IPCEF1: variants seen among roughly 807,000 people sequenced by gnomAD.
The protein encoded by IPCEF1 is interaction protein for cytohesin exchange factors 1.
In IPCEF1, 31 loss-of-function variants were observed where a neutral mutation model predicts 50.9. The ratio of observed to expected loss-of-function variants is 0.61; its 90% CI spans 0.46 to 0.82. IPCEF1 has a LOEUF of 0.82. Among genes scored for constraint, IPCEF1 ranks in the 40% least tolerant of loss-of-function variants. IPCEF1 has a pLI of 0.00. For synonymous variants in IPCEF1, 181 were observed against 192.0 expected (o/e 0.94, Z 0.47); for missense variants, 458 against 514.0 (o/e 0.89, Z 1.05).
At chr6:154,186,806 T>G (rs1346477910) in intron 10 of IPCEF1, among the ~76,000 whole-genome samples, 1 of 152,100 alleles carries the variant, frequency 6.6e-6, no homozygotes, top group Non-Finnish European at 1.5e-5. Context: ...TCCACCTGCC[T>G]CGGCCTCCCA....
At chr6:154,215,594 G>A (rs1231727588) in intron 7 of IPCEF1, among the ~76,000 whole-genome samples, 1 of 151,916 alleles carries the variant, frequency 6.6e-6, no homozygotes, top group Non-Finnish European at 1.5e-5. Flanking sequence ...CAACAAGAGC[G>A]AAACTCCATC....
At chr6:154,322,824 G>A (rs541950874) in intron 1 of IPCEF1, among the ~76,000 whole-genome samples, 30 of 151,576 alleles carry the variant, frequency 2.0e-4, no homozygotes, top group African/African-American at 7.0e-4. Context: ...AGGAGAGAAT[G>A]AGACTTTGTC....
intron 11 of IPCEF1, among the ~76,000 whole-genome samples, chr6:154,164,858 A>C (rs1799302700): frequency 6.6e-6 from 1 of 152,148 alleles, no homozygotes; most frequent in Non-Finnish European, 1.5e-5. Context: ...GAAATTCCTA[A>C]ATATCTGTAT....
intron 2 of IPCEF1, among the ~76,000 whole-genome samples, chr6:154,269,192 A>G (rs1781833853): frequency 1.3e-5 from 2 of 152,254 alleles, no homozygotes; most frequent in Admixed American, 1.3e-4. Context: ...ATGAGTTTCC[A>G]TAAAGGAAAT....
chr6:154,193,378 G>T (rs1032619220), intron 10 of IPCEF1, among the ~76,000 whole-genome samples: 1 of 152,116 alleles, frequency 6.6e-6, no homozygotes, highest in African/African-American at 2.4e-5. Flanking sequence ...TAAGAGTGAG[G>T]TGACAGATAA....
intron 10 of IPCEF1, among the ~76,000 whole-genome samples, chr6:154,170,427 G>A (rs945200438): frequency 2.6e-5 from 4 of 152,160 alleles, no homozygotes; most frequent in Non-Finnish European, 2.9e-5. Flanking sequence ...ACTCCTCTAC[G>A]ATTAGAAACC....
chr6:154,174,814 A>G (rs1196099811), intron 10 of IPCEF1, among the ~76,000 whole-genome samples: 2 of 152,354 alleles, frequency 1.3e-5, no homozygotes, highest in African/African-American at 4.8e-5. Context: ...GTTCTGAACC[A>G]AGCAGACCTA....
chr6:154,334,858 T>C (rs912758957), intron 1 of IPCEF1, among the ~76,000 whole-genome samples: 19 of 152,252 alleles, frequency 1.2e-4, no homozygotes, highest in Non-Finnish European at 1.9e-4. Context: ...TCCTTTGATA[T>C]ACTGAACTAA....
Position 154,172,487 on chromosome 6 carries a change from C to T in IPCEF1, c.911-4374G>A, listed in dbSNP as rs567914114. On this transcript the variant is annotated intron_variant, in intron 10 of 11. Coordinates refer to ENST00000367220, the MANE Select transcript of IPCEF1 (RefSeq NM_001130700.2). ...CGCAACCAGCAGACCAGGAGATTCC[C>T]TCCCATGCCTGGCTCGGTGGGTCCC... Among the ~76,000 whole-genome samples, 3 of 152,344 alleles carry T rather than the reference C, an allele frequency of 2.0e-5. No homozygotes were observed. The South Asian group carries it at 6.2e-4, about 32-fold the overall frequency.
chr6:154,186,848 G>T (rs1037110176), intron 10 of IPCEF1, among the ~76,000 whole-genome samples: 1 of 151,988 alleles, frequency 6.6e-6, no homozygotes, highest in Non-Finnish European at 1.5e-5. Context: ...GAGCCACCAC[G>T]CCCGGCCCAG....
chr6:154,308,927 A>T (rs1442786384), intron 1 of IPCEF1, among the ~76,000 whole-genome samples: 1 of 152,208 alleles, frequency 6.6e-6, no homozygotes, highest in Non-Finnish European at 1.5e-5. Context: ...GAACACAAGG[A>T]CCGTCTGCTA....
rs554700311 is a variant in IPCEF1 at position 154,200,137 on chromosome 6, A to G, written c.538-97T>C. 8.4e-5 allele frequency: 97 copies of G among 1,155,208 alleles called. No individual in the cohort carries two copies. The African/African-American group carries it at 1.4e-3, about 17-fold the overall frequency. The allele number at this position is 1,155,208 out of a possible 1,614,324, so 71.6% of individuals were successfully genotyped here. ...TTTTCAATCACGGTGTCCCCGTGTT[A>G]TTTCAAAAAGTGACCAATAATAAAA... On this transcript the variant is annotated intron_variant, in intron 9 of 11. Coordinates refer to ENST00000367220, the MANE Select transcript of IPCEF1 (RefSeq NM_001130700.2).
At chr6:154,231,055 C>T (rs1359687271) in intron 5 of IPCEF1, among the ~76,000 whole-genome samples, 1 of 152,164 alleles carries the variant, frequency 6.6e-6, no homozygotes, top group Non-Finnish European at 1.5e-5. Flanking sequence ...CTCAGTTACT[C>T]CCCAAAACCC....
At chr6:154,179,305 G>A (rs1407804885) in intron 10 of IPCEF1, among the ~76,000 whole-genome samples, 3 of 152,088 alleles carry the variant, frequency 2.0e-5, no homozygotes, top group Non-Finnish European at 4.4e-5. Context: ...CCTCCAAGAG[G>A]CTTTTCAGTA....
intron 11 of IPCEF1, among the ~76,000 whole-genome samples, chr6:154,162,770 G>A (rs1158519366): frequency 6.6e-6 from 1 of 152,100 alleles, no homozygotes; most frequent in African/African-American, 2.4e-5. Flanking sequence ...AGGGTCCCAA[G>A]TTTATATCTC....
chr6:154,324,892 C>T (rs139568332), intron 1 of IPCEF1, among the ~76,000 whole-genome samples: 1 of 145,886 alleles, frequency 6.9e-6, no homozygotes, highest in Non-Finnish European at 1.5e-5. Context: ...GGGTTTTTTT[C>T]CAGCATGGAA....
At chr6:154,160,136 A>G (rs894359983) in intron 11 of IPCEF1, 96 bp from the exon 12 acceptor site, 39 of 917,418 alleles carry the variant, frequency 4.3e-5, no homozygotes, top group Non-Finnish European at 6.2e-5. Context: ...ACACATATAC[A>G]TAAAATTACC....
intron 11 of IPCEF1, among the ~76,000 whole-genome samples, chr6:154,167,339 T>C (rs900117282): frequency 3.9e-5 from 6 of 152,224 alleles, no homozygotes; most frequent in African/African-American, 1.2e-4. Context: ...CTTATTCCCA[T>C]TGTGAAAACA....
chr6:154,322,131 CAAACTTCGAAAACATTTACGATTAA>C (rs1783398439), intron 1 of IPCEF1, among the ~76,000 whole-genome samples: 1 of 151,838 alleles, frequency 6.6e-6, no homozygotes, highest in Non-Finnish European at 1.5e-5. Context: ...GTGCATACAC[CAAACTTCGAAAACATTTACGATTAA>C]AAACTAAACA....
Sources: allele counts gnomAD v4.1 joint callset (sites outside exome capture counted in the v4.1 genomes callset), GRCh38; gene constraint gnomAD v4.1.1; transcripts MANE v1.5; gene names NCBI Gene and HGNC (gene_info 2026-07-23, HGNC 2026-07-21).